DDX46: variants seen among roughly 807,000 people sequenced by gnomAD.
DDX46 encodes probable ATP-dependent RNA helicase DDX46.
DDX46 carries 30 observed loss-of-function variants against 134.9 expected under a neutral mutation model. The ratio of observed to expected loss-of-function variants is 0.22; its 90% CI spans 0.17 to 0.30. The LOEUF (loss-of-function observed/expected upper bound fraction) is 0.30. Ranked by LOEUF, DDX46 falls within the 10% of genes least tolerant of loss-of-function variation. The pLI is 1.00. For missense variants in DDX46, 622 were observed against 1,248.7 expected, an observed-to-expected ratio of 0.50 and a Z score of 7.56; for synonymous variants, 415 against 404.1, an observed-to-expected ratio of 1.03 and a Z score of -0.32.
At chr5:134,810,795 C>T (rs1561871279) in intron 16 of DDX46, among the ~76,000 whole-genome samples, 2 of 151,740 alleles carry the variant, frequency 1.3e-5, no homozygotes, top group South Asian at 4.2e-4. Flanking sequence ...CACCTGAGGT[C>T]AGGAATTTGA....
chr5:134,760,465 G>A (rs1404612900), intron 1 of DDX46, among the ~76,000 whole-genome samples: 3 of 152,144 alleles, frequency 2.0e-5, no homozygotes, highest in East Asian at 1.9e-4. Flanking sequence ...CCCAGAAAGC[G>A]GGTGGATTGT....
At chr5:134,771,967 G>A (rs931454832) in intron 4 of DDX46, among the ~76,000 whole-genome samples, 3 of 151,874 alleles carry the variant, frequency 2.0e-5, no homozygotes, top group Non-Finnish European at 2.9e-5. Flanking sequence ...ACAGTGGCTC[G>A]TGCCTGTAAT....
intron 8 of DDX46, 75 bp downstream of exon 8, chr5:134,782,161 G>A: frequency 1.5e-6 from 2 of 1,366,176 alleles, no homozygotes; most frequent in Non-Finnish European, 2.0e-6. Flanking sequence ...CAAGAGAAAT[G>A]TGGATAGTGT....
At chr5:134,828,038 T>G (rs955264165) in intron 22 of DDX46, among the ~76,000 whole-genome samples, 10 of 152,228 alleles carry the variant, frequency 6.6e-5, no homozygotes, top group African/African-American at 2.4e-4. Flanking sequence ...GTCTTTAAAC[T>G]TAAACAATGA....
chr5:134,824,891 C>T (rs1755549840), intron 21 of DDX46, among the ~76,000 whole-genome samples: 1 of 152,214 alleles, frequency 6.6e-6, no homozygotes, highest in African/African-American at 2.4e-5. Flanking sequence ...GGAAGGAGAA[C>T]AGGAAGGACT....
At chr5:134,759,009 G>C in intron 1 of DDX46, 54 bp downstream of exon 1, 1 of 1,600,146 alleles carries the variant, frequency 6.2e-7, no homozygotes. Flanking sequence ...GGGGTCGTGA[G>C]AAGAGGCGGG....
At chr5:134,797,167 CAAA>C (rs61547263) in intron 15 of DDX46, 508 of 22,712 alleles carry the variant, frequency 0.022, no homozygotes, top group African/African-American at 0.049. Flanking sequence ...AACTCCGTCT[CAAA>C]AAAAAAAAAA....
At chr5:134,762,334 C>T (rs912272758) in intron 1 of DDX46, among the ~76,000 whole-genome samples, 2 of 151,578 alleles carry the variant, frequency 1.3e-5, no homozygotes, top group Non-Finnish European at 2.9e-5. Context: ...GGAAGGATTG[C>T]TGGGGCCCAG....
chr5:134,825,670 A>C (rs1218047740), intron 21 of DDX46: 1 of 151,940 alleles, frequency 6.6e-6, no homozygotes, highest in Non-Finnish European at 1.5e-5. Flanking sequence ...TTCTCTTCTC[A>C]GTGTGCAATA....
At chr5:134,785,328 A>G (rs770454664) in intron 10 of DDX46, 137 bp from the exon 11 acceptor site, 5 of 1,051,150 alleles carry the variant, frequency 4.8e-6, no homozygotes, top group African/African-American at 3.3e-5. Context: ...AACTTTTGAA[A>G]TAGTTTTCAG....
At chr5:134,765,356 C>T (rs528215699) in intron 2 of DDX46, among the ~76,000 whole-genome samples, 63 of 144,248 alleles carry the variant, frequency 4.4e-4, no homozygotes, top group African/African-American at 1.5e-3. Flanking sequence ...CCAGCCTGGC[C>T]AACATGGTGA....
At chr5:134,793,224 C>T (rs550526551) in intron 13 of DDX46, among the ~76,000 whole-genome samples, 1 of 152,140 alleles carries the variant, frequency 6.6e-6, no homozygotes, top group South Asian at 2.1e-4. Flanking sequence ...TAAAAAAACA[C>T]TAAGTAAGGT....
rs747484254 is a variant in DDX46 at position 134,807,951 on chromosome 5, A to C, written c.2148+10A>C. On this transcript the variant is annotated intron_variant, in intron 16 of 22. Transcript: ENST00000452510. ...AAGAGCAGGAAACAAGGTAAAAATA[A>C]GTTTTTTATAGTTGATCTTCATTAT... 6.3e-7 allele frequency: 1 copy of C among 1,578,998 alleles called. No homozygotes were observed. Among genetic ancestry groups the C allele is most frequent in the Non-Finnish European group, 8.6e-7 (1 of 1,161,398 alleles).
intron 2 of DDX46, 98 bp from the exon 3 acceptor site, chr5:134,766,819 G>A (rs1398563918): frequency 1.5e-6 from 2 of 1,375,746 alleles, no homozygotes; most frequent in Admixed American, 2.9e-5. Flanking sequence ...TTTAATAATG[G>A]TAGTGATTAA....
chr5:134,818,660 C>G (rs1193039209), intron 20 of DDX46, among the ~76,000 whole-genome samples, 200 bp from the exon 21 acceptor site: 1 of 149,554 alleles, frequency 6.7e-6, no homozygotes, highest in Non-Finnish European at 1.5e-5. Context: ...CAAGATTGCA[C>G]CATTGTATTC....
At chr5:134,824,668 T>A (rs1755542227) in intron 21 of DDX46, among the ~76,000 whole-genome samples, 1 of 152,236 alleles carries the variant, frequency 6.6e-6, no homozygotes, top group Non-Finnish European at 1.5e-5. Context: ...TCTTTTAGAA[T>A]TTTCAGAGGT....
chr5:134,818,066 C>T (rs923794706), intron 20 of DDX46, among the ~76,000 whole-genome samples: 3 of 151,832 alleles, frequency 2.0e-5, no homozygotes, highest in Non-Finnish European at 4.4e-5. Context: ...TCTCCTCCCT[C>T]AGCCTCGCGA....
chr5:134,801,893 G>A (rs1477960587), intron 15 of DDX46, among the ~76,000 whole-genome samples: 1 of 151,992 alleles, frequency 6.6e-6, no homozygotes, highest in African/African-American at 2.4e-5. Flanking sequence ...ACAAAAAATG[G>A]GATTGCTACA....
rs758224310 is a variant in DDX46 at position 134,785,587 on chromosome 5, G to GTAGT, written c.1464+4_1464+7dup. The GTAGT allele has an allele frequency of 6.2e-7, 1 of 1,602,566 alleles. No individual in the cohort carries two copies. The highest frequency in any genetic ancestry group is 1.3e-5 in the African/African-American group (1 of 74,306). On this transcript the variant is annotated splice_donor_variant, in intron 11 of 22. Transcript: ENST00000452510. LOFTEE classifies it high-confidence loss of function. ...CGGAGGAACAGGAATCAGTGAGCAG[G>GTAGT]TAGTTATATAAGAAACATTCATGTT...
Sources: gnomAD v4.1 joint callset for allele counts (sites outside exome capture counted in the v4.1 genomes callset) on GRCh38, gnomAD v4.1.1 for gene constraint, MANE v1.5 for transcripts, NCBI Gene and HGNC (gene_info 2026-07-23, HGNC 2026-07-21) for gene names.